SMYD4: variants seen among roughly 807,000 people sequenced by gnomAD.
SMYD4 encodes the protein protein-lysine N-methyltransferase SMYD4.
Under a neutral mutation model 72.8 loss-of-function variants are expected in SMYD4, and 68 were observed. The ratio of observed to expected loss-of-function variants is 0.93; its 90% CI spans 0.77 to 1.14. The LOEUF (loss-of-function observed/expected upper bound fraction) is 1.14, where lower values mean the gene tolerates loss of function less well. Among genes scored for constraint, SMYD4 ranks in the 50% most tolerant of loss-of-function variants. The pLI is 0.00. For missense variants in SMYD4, 984 were observed against 1,003.7 expected (o/e 0.98, Z 0.27); for synonymous variants, 407 against 388.6 (o/e 1.05, Z -0.56).
chr17:1,827,273 C>T (rs111619530), intron 2 of SMYD4, among the ~76,000 whole-genome samples: 2 of 148,346 alleles, frequency 1.3e-5, no homozygotes, highest in African/African-American at 2.5e-5. Context: ...ACCCGGGAGG[C>T]GGAGGCAGTG....
chr17:1,790,852 C>T lies in SMYD4; in HGVS notation c.1538-3248G>A, dbSNP rs138783741. On this transcript the variant is annotated intron_variant, in intron 5 of 10. Transcript: ENST00000305513. ...GTAAAGAAAAAAGATTCATGCCGGGCGCGGTGGCTCACGCCTGTAATCCCA... is the reference window on the plus strand; with the variant it reads ...GTAAAGAAAAAAGATTCATGCCGGGTGCGGTGGCTCACGCCTGTAATCCCA... 5.4e-3 allele frequency among the ~76,000 whole-genome samples: 824 copies of T among 151,232 alleles called. 10 individuals are homozygous for T. The highest frequency in any genetic ancestry group is 0.019 in the African/African-American group (777 of 41,318).
intron 2 of SMYD4, among the ~76,000 whole-genome samples, chr17:1,818,177 G>C (rs1017111307): frequency 1.3e-5 from 2 of 151,822 alleles, no homozygotes. Flanking sequence ...TTAGGATACA[G>C]ACAGAAAAAA....
chr17:1,796,540 A>G (rs1047895550), intron 5 of SMYD4, among the ~76,000 whole-genome samples: 37 of 151,294 alleles, frequency 2.4e-4, no homozygotes, highest in Non-Finnish European at 4.3e-4. Context: ...AGGTTCAAGC[A>G]ATTCTCCTGC....
chr17:1,784,413 C>G lies in SMYD4; in HGVS notation c.1933G>C (p.Val645Leu). ...CGAGAGACCAGGTGGTCCCTGCTGA[C>G]GGCGGATTCTGCACAAGATCTGCTG... ...CGSRSCAESA[V>L]SRDHLVSRLQ... is the part of the protein sequence containing the mutation. The change falls in exon 8 of 11, where the codon GTC (valine) becomes CTC (leucine). Residue 645 changes from valine (V) to leucine (L), a missense_variant. Coordinates refer to ENST00000305513, the MANE Select transcript of SMYD4 (RefSeq NM_052928.3). 6.2e-7 allele frequency: 1 copy of G among 1,614,208 alleles called. No individual in the cohort carries two copies. Among genetic ancestry groups the G allele is most frequent in the Non-Finnish European group, 8.5e-7 (1 of 1,180,030 alleles).
At chr17:1,785,062 C>T (rs12051790) in intron 7 of SMYD4, among the ~76,000 whole-genome samples, 40,174 of 147,648 alleles carry the variant, frequency 0.27, 5,877 homozygotes, top group East Asian at 0.37. Context: ...GCTGGGATTA[C>T]AGGCGTGAGC....
chr17:1,805,706 GGT>G (rs1423535628), intron 3 of SMYD4, among the ~76,000 whole-genome samples: 47 of 151,674 alleles, frequency 3.1e-4, no homozygotes, highest in African/African-American at 1.1e-3. Context: ...CAGTTACTCG[GGT>G]GGGTGAGGCA....
intron 2 of SMYD4, among the ~76,000 whole-genome samples, chr17:1,822,311 A>AATGGGGAAG (rs1910934535): frequency 6.6e-6 from 1 of 152,122 alleles, no homozygotes; most frequent in South Asian, 2.1e-4. Context: ...AAGAATCAGG[A>AATGGGGAAG]ATGGGGAAGA....
At chr17:1,794,095 A>ATGTATATATATG (rs1909246946) in intron 5 of SMYD4, among the ~76,000 whole-genome samples, 2 of 18,516 alleles carry the variant, frequency 1.1e-4, no homozygotes, top group Non-Finnish European at 2.5e-4. Context: ...ATATATATAT[A>ATGTATATATATG]TATATATATA....
intron 2 of SMYD4, among the ~76,000 whole-genome samples, chr17:1,826,651 T>C (rs1273579080): frequency 1.3e-5 from 2 of 152,166 alleles, no homozygotes; most frequent in African/African-American, 4.8e-5. Context: ...ACTATGTGCC[T>C]GGCACAAAGA....
chr17:1,800,648 G>A lies in SMYD4; in HGVS notation c.746C>T (p.Ala249Val). 1 of 1,614,128 alleles carries A rather than the reference G, an allele frequency of 6.2e-7. No individual in the cohort carries two copies. The highest frequency in any genetic ancestry group is 1.1e-5 in the South Asian group (1 of 91,086). ...VDPLKGRCLV[A>V]TKDILPGELL... Reference sequence around the variant, plus strand: ...CTCTCCTGGGAGAATATCTTTTGTGGCAACGAGACAGCGACCTTTTAAAGG... The same window carrying A: ...CTCTCCTGGGAGAATATCTTTTGTGACAACGAGACAGCGACCTTTTAAAGG... Residue 249 changes from alanine to valine, a missense_variant, in exon 5 of 11, where the codon GCC becomes GTC. By Grantham distance (64) the Ala-to-Val change is moderately conservative. Coordinates refer to ENST00000305513, the MANE Select transcript of SMYD4 (RefSeq NM_052928.3).
intron 5 of SMYD4, among the ~76,000 whole-genome samples, chr17:1,796,605 T>C (rs1909423824): frequency 6.6e-6 from 1 of 151,866 alleles, no homozygotes; most frequent in African/African-American, 2.4e-5. Flanking sequence ...CCCAGCTAAT[T>C]TTTGTATTTT....
chr17:1,820,608 T>C (rs1430477984), intron 2 of SMYD4, among the ~76,000 whole-genome samples: 1 of 152,184 alleles, frequency 6.6e-6, no homozygotes, highest in African/African-American at 2.4e-5. Context: ...ACACAGGTTA[T>C]TCCAGTTGAA....
At chr17:1,805,932 T>TA (rs1278809397) in intron 3 of SMYD4, among the ~76,000 whole-genome samples, 2 of 150,170 alleles carry the variant, frequency 1.3e-5, no homozygotes, top group African/African-American at 4.9e-5. Context: ...AAATTCTTTT[T>TA]TTTTTTTTTG....
At chr17:1,783,180 G>T in intron 9 of SMYD4, 22 bp from the exon 10 acceptor site, 1 of 1,613,926 alleles carries the variant, frequency 6.2e-7, no homozygotes, top group Non-Finnish European at 8.5e-7. Context: ...GAAAAATCTT[G>T]TTCCAGAAAA....
intron 8 of SMYD4, chr17:1,783,826 C>T: frequency 2.9e-6 from 1 of 348,946 alleles, no homozygotes; most frequent in Non-Finnish European, 5.3e-6. Flanking sequence ...ATAAAAATCC[C>T]ATGATGTCAA....
chr17:1,802,708 G>T (rs116170561), intron 4 of SMYD4, among the ~76,000 whole-genome samples: 1,700 of 152,224 alleles, frequency 0.011, 36 homozygotes, highest in African/African-American at 0.038. Flanking sequence ...CAACCCTAGG[G>T]TATAATTTGA....
At chr17:1,806,604 G>C (rs1386444754) in intron 3 of SMYD4, among the ~76,000 whole-genome samples, 1 of 152,110 alleles carries the variant, frequency 6.6e-6, no homozygotes, top group Non-Finnish European at 1.5e-5. Context: ...CAACTGTACA[G>C]AAATGCCATT....
Position 1,800,097 on chromosome 17 carries a change from C to T in SMYD4, c.1297G>A (p.Glu433Lys). The T allele has an allele frequency of 1.2e-6, 2 of 1,611,104 alleles. No individual in the cohort carries two copies. Among genetic ancestry groups the T allele is most frequent in the Non-Finnish European group, 1.7e-6 (2 of 1,178,076 alleles). Residue 433 changes from glutamate (E) to lysine (K), a missense_variant, in exon 5 of 11, where the codon GAA becomes AAA. Coordinates refer to ENST00000305513, the MANE Select transcript of SMYD4 (RefSeq NM_052928.3). ...AATTTGTGCTCTGGGCTATGGTTTT[C>T]AGTGTGGGGCAAAAGGTTGAAGACA... ...NAVFNLLPHT[E>K]NHSPEHKFLC...
chr17:1,787,116 C>T, intron 6 of SMYD4, 143 bp from the exon 7 acceptor site: 3 of 1,122,894 alleles, frequency 2.7e-6, no homozygotes, highest in Non-Finnish European at 2.5e-6. Flanking sequence ...GAACTGGATA[C>T]TAAAATAAGC....
Sources: allele counts gnomAD v4.1 joint callset (sites outside exome capture counted in the v4.1 genomes callset), GRCh38; gene constraint gnomAD v4.1.1; transcripts MANE v1.5; gene names NCBI Gene and HGNC (gene_info 2026-07-23, HGNC 2026-07-21).